The following CPA6 variants were observed in gnomAD, a reference collection of about 807,000 sequenced individuals.
The protein encoded by CPA6 is carboxypeptidase B.
Under a neutral mutation model 63.3 loss-of-function variants are expected in CPA6, and 58 were observed. That is an observed-to-expected ratio of 0.92 (90% CI 0.74 to 1.14). The LOEUF is 1.14. Ranked by LOEUF, CPA6 falls within the 50% of genes most tolerant of loss-of-function variation. CPA6 has a pLI of 0.00. For synonymous variants in CPA6, 185 were observed against 179.0 expected, an observed-to-expected ratio of 1.03 and a Z score of -0.27; for missense variants, 565 against 526.6, an observed-to-expected ratio of 1.07 and a Z score of -0.71.
At chr8:67,604,264 A>G (rs1434972663) in intron 2 of CPA6, among the ~76,000 whole-genome samples, 1 of 152,156 alleles carries the variant, frequency 6.6e-6, no homozygotes, top group Non-Finnish European at 1.5e-5. Flanking sequence ...TAGAAGGAAC[A>G]CATCTGGTTG....
chr8:67,608,026 A>G (rs1199669616), intron 2 of CPA6, among the ~76,000 whole-genome samples: 2 of 152,176 alleles, frequency 1.3e-5, no homozygotes, highest in Non-Finnish European at 2.9e-5. Flanking sequence ...TGGCTCTTTC[A>G]TCTTCTTGGG....
Position 67,567,362 on chromosome 8 carries a change from T to G in CPA6, c.193-49315A>C, listed in dbSNP as rs191914188. Among the ~76,000 whole-genome samples the G allele has an allele frequency of 4.6e-5, 7 of 152,362 alleles. No homozygotes were observed. The East Asian group carries it at 1.3e-3, about 29-fold the overall frequency. On this transcript the variant is annotated intron_variant, in intron 2 of 10. Coordinates refer to ENST00000297770, the MANE Select transcript of CPA6 (RefSeq NM_020361.5). ...ATCAAATGCATTTAAAAATTGCTCC[T>G]ACTTTGTATTGAGCTACATAATGGT...
At chr8:67,475,071 A>T (rs1401448465) in intron 8 of CPA6, among the ~76,000 whole-genome samples, 1 of 152,242 alleles carries the variant, frequency 6.6e-6, no homozygotes, top group Admixed American at 6.5e-5. Flanking sequence ...CCTAAGTATC[A>T]AAAGGACTGT....
intron 2 of CPA6, among the ~76,000 whole-genome samples, chr8:67,577,794 C>G (rs1437750708): frequency 6.6e-6 from 1 of 152,114 alleles, no homozygotes. Flanking sequence ...GGCAGAACCA[C>G]CCTGAATGTT....
intron 1 of CPA6, among the ~76,000 whole-genome samples, chr8:67,632,499 T>C (rs1815364932): frequency 6.6e-6 from 1 of 151,862 alleles, no homozygotes; most frequent in African/African-American, 2.4e-5. Context: ...TTTTTAGAGA[T>C]TTTTTTCTCA....
At chr8:67,617,572 A>G (rs1277423204) in intron 2 of CPA6, among the ~76,000 whole-genome samples, 1 of 152,206 alleles carries the variant, frequency 6.6e-6, no homozygotes, top group Non-Finnish European at 1.5e-5. Flanking sequence ...AGTATCATTC[A>G]TAATGCTCCT....
At chr8:67,632,342 A>G (rs1221696154) in intron 1 of CPA6, among the ~76,000 whole-genome samples, 1 of 151,490 alleles carries the variant, frequency 6.6e-6, no homozygotes, top group East Asian at 1.9e-4. Flanking sequence ...AGCTAATTAA[A>G]AACTTTTTTT....
At chr8:67,714,140 T>C (rs1258638210) in intron 1 of CPA6, among the ~76,000 whole-genome samples, 3 of 152,194 alleles carry the variant, frequency 2.0e-5, no homozygotes, top group Non-Finnish European at 2.9e-5. Flanking sequence ...TAAATGTATC[T>C]GTTTATTATA....
chr8:67,624,132 T>A (rs1263713708), intron 2 of CPA6, 44 bp downstream of exon 2: 1 of 1,209,664 alleles, frequency 8.3e-7, no homozygotes, highest in African/African-American at 1.5e-5. Flanking sequence ...CTGTAAACAC[T>A]CCACAAGCAC....
At chr8:67,431,099 AG>A (rs1810017594) in intron 9 of CPA6, among the ~76,000 whole-genome samples, 1 of 152,124 alleles carries the variant, frequency 6.6e-6, no homozygotes, top group African/African-American at 2.4e-5. Flanking sequence ...CCTGGGCCCA[AG>A]CAATCCTCCA....
At chr8:67,548,638 G>A (rs2128972440) in intron 2 of CPA6, among the ~76,000 whole-genome samples, 1 of 152,280 alleles carries the variant, frequency 6.6e-6, no homozygotes, top group South Asian at 2.1e-4. Context: ...ATTATATCCA[G>A]AATATGAGTT....
At chr8:67,527,956 G>A (rs7837482) in intron 2 of CPA6, among the ~76,000 whole-genome samples, 1,553 of 152,280 alleles carry the variant, frequency 0.01, 32 homozygotes, top group African/African-American at 0.035. Flanking sequence ...CGGAGGATCC[G>A]GAGATGGTTC....
intron 1 of CPA6, among the ~76,000 whole-genome samples, chr8:67,632,226 A>G (rs1815357012): frequency 1.3e-5 from 2 of 151,682 alleles, no homozygotes; most frequent in South Asian, 4.2e-4. Context: ...GCTGGAGTGC[A>G]GGGGCATGAT....
intron 8 of CPA6, among the ~76,000 whole-genome samples, chr8:67,475,797 C>CTTTCTT (rs1554666511): frequency 4.9e-5 from 2 of 41,098 alleles, no homozygotes; most frequent in Admixed American, 4.5e-4. Flanking sequence ...TTCTTTCTTT[C>CTTTCTT]TTTCTTTCTT....
intron 2 of CPA6, among the ~76,000 whole-genome samples, chr8:67,520,755 C>T (rs892933345): frequency 6.6e-6 from 1 of 152,220 alleles, no homozygotes; most frequent in Non-Finnish European, 1.5e-5. Context: ...TGCACAGGTA[C>T]AAAATGGCCG....
rs541366609 is a variant in CPA6 at position 67,662,779 on chromosome 8, G to A, written c.117-38528C>T. Among the ~76,000 whole-genome samples, 5 of 152,158 alleles carry A rather than the reference G, an allele frequency of 3.3e-5. No homozygotes were observed. In the East Asian group the frequency reaches 7.8e-4, roughly 24 times the overall value. The stretch of plus-strand genomic sequence containing the variant: ...TGTTGTTTTAATGTGTGTATCAAAG[G>A]GATACAATGTGCTGCAGGAGCACCT... On this transcript the variant is annotated intron_variant, in intron 1 of 10. Coordinates refer to ENST00000297770, the MANE Select transcript of CPA6 (RefSeq NM_020361.5).
intron 8 of CPA6, among the ~76,000 whole-genome samples, chr8:67,457,034 C>T (rs1810692168): frequency 6.6e-6 from 1 of 152,216 alleles, no homozygotes; most frequent in Non-Finnish European, 1.5e-5. Context: ...CCTTGCCACG[C>T]CTTCAGCCTG....
At chr8:67,646,919 G>T (rs1356573046) in intron 1 of CPA6, among the ~76,000 whole-genome samples, 1 of 152,114 alleles carries the variant, frequency 6.6e-6, no homozygotes, top group African/African-American at 2.4e-5. Context: ...TAGGAAGTTT[G>T]GCTTTTATTC....
chr8:67,740,592 C>CT (rs1817892933), intron 1 of CPA6, among the ~76,000 whole-genome samples: 1 of 152,144 alleles, frequency 6.6e-6, no homozygotes, highest in African/African-American at 2.4e-5. Context: ...TTTCTTGAGA[C>CT]TGAGTCTTGC....
Sources: allele counts gnomAD v4.1 joint callset (sites outside exome capture counted in the v4.1 genomes callset), GRCh38; gene constraint gnomAD v4.1.1; transcripts MANE v1.5; gene names NCBI Gene and HGNC (gene_info 2026-07-23, HGNC 2026-07-21).